The following EP300 variants were observed in gnomAD, a reference collection of about 807,000 sequenced individuals.
The protein encoded by EP300 is EP300 lysine acetyltransferase, also known as histone acetyltransferase p300.
EP300 carries 31 observed loss-of-function variants against 264.0 expected under a neutral mutation model. That is an observed-to-expected ratio of 0.12 (90% CI 0.09 to 0.16). EP300 has a LOEUF of 0.16. Ranked by LOEUF, EP300 falls within the 10% of genes least tolerant of loss-of-function variation. The pLI is 1.00. For missense variants in EP300, 2,766 were observed against 3,052.9 expected (o/e 0.91, Z 2.21); for synonymous variants, 1,340 against 1,045.4 (o/e 1.28, Z -5.44).
intron 22 of EP300, among the ~76,000 whole-genome samples, chr22:41,165,211 T>C: frequency 6.6e-6 from 1 of 152,230 alleles, no homozygotes; most frequent in Admixed American, 6.5e-5. Flanking sequence ...AGACTTCTTG[T>C]GGTTCTTCTA....
chr22:41,169,249 G>C, intron 25 of EP300: 1 of 570,328 alleles, frequency 1.8e-6, no homozygotes, highest in Non-Finnish European at 3.1e-6. Context: ...AACGTATAGG[G>C]ATCACCAAAT....
chr22:41,098,335 A>G (rs2058713167), intron 1 of EP300, among the ~76,000 whole-genome samples: 2 of 152,148 alleles, frequency 1.3e-5, no homozygotes, highest in Admixed American at 6.5e-5. Context: ...TTGTTTTTAG[A>G]TCTAGATTCT....
At position 41,129,984 on chromosome 22, in the gene EP300, T is replaced by C. The variant is rs1569097373; in HGVS notation, c.1263T>C (p.Gly421=). ...TGTGTCTCCCCCTCAAAAATGCTGG[T>C]GATAAGAGAAATCAACAGCGTAAGT... ...CPVCLPLKNA[G]DKRNQQPILT... The change falls in exon 5 of 31, where the codon GGT becomes GGC. Residue 421 remains glycine, a synonymous_variant. Transcript: ENST00000263253. 1 of 1,613,466 alleles carries C rather than the reference T, an allele frequency of 6.2e-7. No individual in the cohort carries two copies. Among genetic ancestry groups the C allele is most frequent in the Non-Finnish European group, 8.5e-7 (1 of 1,179,482 alleles).
At chr22:41,121,893 T>C (rs893061457) in intron 2 of EP300, among the ~76,000 whole-genome samples, 4 of 152,220 alleles carry the variant, frequency 2.6e-5, no homozygotes, top group African/African-American at 7.2e-5. Flanking sequence ...ATGACTTTCA[T>C]ACTATATCTA....
chr22:41,164,016 T>G (rs769122205), intron 21 of EP300, 37 bp from the exon 22 acceptor site: 1 of 1,594,590 alleles, frequency 6.3e-7, no homozygotes, highest in Non-Finnish European at 8.6e-7. Flanking sequence ...TTGGTTAAGG[T>G]TTGGGGTTAA....
rs1601582468 is a variant in EP300, at chr22:41,093,070, C to T, written c.66C>T (p.Ala22=). ...SAKRPKLSSP[A]LSASASDGTD... ...AGCGGCCTAAACTCTCATCTCCGGC[C>T]CTCTCGGCGTCCGCCAGCGATGGCA... is the stretch of plus-strand genomic sequence containing the variant. Residue 22 remains alanine (A), a synonymous_variant, in exon 1 of 31, where the codon GCC becomes GCT. Coordinates refer to ENST00000263253, the MANE Select transcript of EP300 (RefSeq NM_001429.4). 2 of 1,614,104 alleles carry T rather than the reference C, an allele frequency of 1.2e-6. No homozygotes were observed. The highest frequency in any genetic ancestry group is 1.7e-6 in the Non-Finnish European group (2 of 1,180,036).
At chr22:41,168,985 C>G (rs1451390150) in intron 25 of EP300, 118 bp downstream of exon 25, 24 of 1,396,118 alleles carry the variant, frequency 1.7e-5, no homozygotes. Context: ...AATGCAAAAT[C>G]TCAAGTGTCC....
chr22:41,160,494 A>C, intron 19 of EP300, 148 bp from the exon 20 acceptor site: 1 of 697,958 alleles, frequency 1.4e-6, no homozygotes. Flanking sequence ...ATATATCTGC[A>C]TCATTGAATG....
At chr22:41,161,340 A>G (rs2059106935) in intron 20 of EP300, among the ~76,000 whole-genome samples, 1 of 152,224 alleles carries the variant, frequency 6.6e-6, no homozygotes, top group Admixed American at 6.5e-5. Flanking sequence ...ATCTCTGGCC[A>G]GGCGTGGTGG....
chr22:41,171,805 G>T (rs955083434), intron 27 of EP300, among the ~76,000 whole-genome samples: 1 of 151,202 alleles, frequency 6.6e-6, no homozygotes, highest in South Asian at 2.1e-4. Flanking sequence ...TAGAGACGGG[G>T]TTTCTCCACA....
intron 1 of EP300, among the ~76,000 whole-genome samples, chr22:41,106,383 T>A (rs1187758111): frequency 1.3e-5 from 2 of 152,220 alleles, no homozygotes; most frequent in Non-Finnish European, 2.9e-5. Context: ...TGTTTCATTT[T>A]TTAAAAAATT....
At chr22:41,152,450 T>C in intron 16 of EP300, 100 bp downstream of exon 16, 1 of 1,413,990 alleles carries the variant, frequency 7.1e-7, no homozygotes, top group Non-Finnish European at 9.7e-7. Flanking sequence ...GTTGCCATTA[T>C]TGTGATTTCA....
intron 10 of EP300, among the ~76,000 whole-genome samples, chr22:41,144,711 A>T (rs1360789322): frequency 6.6e-6 from 1 of 152,116 alleles, no homozygotes; most frequent in East Asian, 1.9e-4. Context: ...ATAATTCATC[A>T]AGTTTCCTTA....
intron 12 of EP300, among the ~76,000 whole-genome samples, chr22:41,148,471 A>G (rs924608100): frequency 2.0e-5 from 3 of 152,120 alleles, no homozygotes; most frequent in African/African-American, 4.8e-5. Flanking sequence ...AACCTATAAG[A>G]CAGATGGTCT....
At chr22:41,166,495 T>G (rs1304341535) in intron 22 of EP300, 104 bp from the exon 23 acceptor site, 5 of 882,842 alleles carry the variant, frequency 5.7e-6, no homozygotes, top group Non-Finnish European at 9.1e-6. Flanking sequence ...CATTAGAAAT[T>G]TAGAAATACT....
chr22:41,137,398 A>G (rs1010348409), intron 7 of EP300, among the ~76,000 whole-genome samples: 4 of 151,572 alleles, frequency 2.6e-5, no homozygotes, highest in East Asian at 1.9e-4. Flanking sequence ...CAAAACCCAG[A>G]AAATGAAGTC....
intron 7 of EP300, 129 bp downstream of exon 7, chr22:41,136,035 C>A: frequency 1.3e-6 from 1 of 772,490 alleles, no homozygotes; most frequent in South Asian, 1.5e-5. Flanking sequence ...ATGTTTGAGT[C>A]CATTCTTTCT....
Position 41,117,513 on chromosome 22 carries a change from A to G in EP300, c.421A>G (p.Ser141Gly). Residue 141 changes from serine to glycine, a missense_variant, in exon 2 of 31, where the codon AGT becomes GGT. By Grantham distance (56) the Ser-to-Gly change is moderately conservative. Transcript: ENST00000263253. Reference sequence around the variant, plus strand: ...TTCTCCCAACATGGGGATGGGCACTAGTGGACCAAATCAGGGTCCTACGCA... The same window carrying G: ...TTCTCCCAACATGGGGATGGGCACTGGTGGACCAAATCAGGGTCCTACGCA... Reference protein sequence around the residue: ...LTSPNMGMGTSGPNQGPTQST... With the variant: ...LTSPNMGMGTGGPNQGPTQST... 6.2e-7 allele frequency: 1 copy of G among 1,614,034 alleles called. No individual in the cohort carries two copies. The highest frequency in any genetic ancestry group is 8.5e-7 in the Non-Finnish European group (1 of 1,179,828).
At chr22:41,140,486 T>C (rs1601613060) in intron 9 of EP300, among the ~76,000 whole-genome samples, 1 of 152,136 alleles carries the variant, frequency 6.6e-6, no homozygotes, top group Non-Finnish European at 1.5e-5. Flanking sequence ...TGTGGCACTT[T>C]ATCTGGTTGT....
Sources: allele counts gnomAD v4.1 joint callset (sites outside exome capture counted in the v4.1 genomes callset), GRCh38; gene constraint gnomAD v4.1.1; transcripts MANE v1.5; gene names NCBI Gene and HGNC (gene_info 2026-07-23, HGNC 2026-07-21).